The following SOX5 variants were observed in gnomAD, a reference collection of about 807,000 sequenced individuals.
SOX5 encodes the protein transcription factor SOX-5.
SOX5 carries 9 observed loss-of-function variants against 92.0 expected under a neutral mutation model. The observed-to-expected ratio is 0.10, with a 90% CI of 0.06 to 0.17. The LOEUF (loss-of-function observed/expected upper bound fraction) is 0.17. Ranked by LOEUF, SOX5 falls within the 10% of genes least tolerant of loss-of-function variation. The pLI, the probability that SOX5 is intolerant of heterozygous loss-of-function variation, is 1.00. For missense variants in SOX5, 642 were observed against 944.5 expected (o/e 0.68, Z 4.20); for synonymous variants, 344 against 336.3 (o/e 1.02, Z -0.25).
intron 1 of SOX5, among the ~76,000 whole-genome samples, chr12:24,509,386 T>C (rs1013689608): frequency 1.4e-4 from 22 of 152,130 alleles, no homozygotes; most frequent in African/African-American, 5.3e-4. Context: ...AGTCTCCCAG[T>C]TGCTTTAGGG....
At chr12:24,327,990 C>A (rs1950906304) in intron 2 of SOX5, among the ~76,000 whole-genome samples, 1 of 152,132 alleles carries the variant, frequency 6.6e-6, no homozygotes, top group Admixed American at 6.5e-5. Context: ...CCGCACCCAG[C>A]CGCAATAGAG....
At chr12:23,758,205 A>G (rs1190352491) in intron 3 of SOX5, among the ~76,000 whole-genome samples, 1 of 151,898 alleles carries the variant, frequency 6.6e-6, no homozygotes, top group Admixed American at 6.6e-5. Context: ...TATGTGCCAG[A>G]AACTATGCTA....
chr12:23,570,922 AAAAAAAAAATATATATATATATATAT>A lies in SOX5; in HGVS notation c.1342+4713_1342+4738del, dbSNP rs1178506741. Reference sequence around the variant, plus strand: ...CAAGACTCCAACTCAAAAAAAAAAAAAAAAAAAAATATATATATATATATATATATATATATATATATATATATATA... The same window carrying A: ...CAAGACTCCAACTCAAAAAAAAAAAAATATATATATATATATATATATATA... On this transcript the variant is annotated intron_variant, in intron 10 of 14. Coordinates refer to ENST00000451604, the MANE Select transcript of SOX5 (RefSeq NM_006940.6). 6.3e-4 allele frequency among the ~76,000 whole-genome samples: 27 copies of A among 43,150 alleles called. 3 individuals are homozygous for A. The highest frequency in any genetic ancestry group is 2.1e-3 in the African/African-American group (25 of 11,774). 28.3% of individuals were successfully genotyped at this position (43,150 alleles called of 152,430 possible). A position where few individuals can be genotyped will look rare whatever the true frequency, so the allele number is the denominator to read the frequency against.
At chr12:24,342,845 C>T (rs11047381) in intron 2 of SOX5, among the ~76,000 whole-genome samples, 40,550 of 152,090 alleles carry the variant, frequency 0.27, 6,854 homozygotes, top group Non-Finnish European at 0.39. Flanking sequence ...GAATAAAGGG[C>T]GAAATGGTAA....
intron 9 of SOX5, among the ~76,000 whole-genome samples, chr12:23,591,224 A>C (rs1175058288): frequency 6.6e-6 from 1 of 152,052 alleles, no homozygotes; most frequent in African/African-American, 2.4e-5. Flanking sequence ...TTGTATTAGT[A>C]AGCATAATTT....
intron 3 of SOX5, among the ~76,000 whole-genome samples, chr12:24,229,458 A>G (rs1962892726): frequency 2.0e-5 from 3 of 152,218 alleles, no homozygotes; most frequent in African/African-American, 7.2e-5. Flanking sequence ...AAAGGCCATC[A>G]AAACCCAGGC....
chr12:23,833,537 G>C (rs1012029289), intron 3 of SOX5, among the ~76,000 whole-genome samples: 1 of 151,894 alleles, frequency 6.6e-6, no homozygotes, highest in African/African-American at 2.4e-5. Flanking sequence ...CATAGGTAAC[G>C]TTACCATATC....
intron 4 of SOX5, among the ~76,000 whole-genome samples, chr12:24,151,483 T>G (rs1225179148): frequency 1.3e-5 from 2 of 152,168 alleles, no homozygotes; most frequent in Non-Finnish European, 2.9e-5. Context: ...CTATTTACAA[T>G]TGAAGAAAAG....
intron 4 of SOX5, among the ~76,000 whole-genome samples, chr12:23,976,811 G>A (rs1335786433): frequency 6.6e-6 from 1 of 151,344 alleles, no homozygotes; most frequent in Non-Finnish European, 1.5e-5. Flanking sequence ...TTTTTCTGTT[G>A]TTGTTGTTTT....
intron 8 of SOX5, among the ~76,000 whole-genome samples, chr12:23,631,686 T>C (rs2078559138): frequency 6.6e-6 from 1 of 152,074 alleles, no homozygotes; most frequent in African/African-American, 2.4e-5. Context: ...TTAGTATAGG[T>C]AATAACAAAA....
chr12:24,228,657 T>C (rs1299153059), intron 3 of SOX5, among the ~76,000 whole-genome samples: 1 of 151,560 alleles, frequency 6.6e-6, no homozygotes, highest in Non-Finnish European at 1.5e-5. Flanking sequence ...TCTGTGTGTG[T>C]GTGCGTGTGT....
At chr12:23,640,921 G>A (rs766466997) in intron 7 of SOX5, 24 bp from the exon 8 acceptor site, 26 of 1,492,370 alleles carry the variant, frequency 1.7e-5, no homozygotes, top group Non-Finnish European at 2.1e-5. Flanking sequence ...TAATAGAGGC[G>A]TCAGCACCTT....
chr12:23,910,498 T>C (rs1298606435), intron 1 of SOX5, among the ~76,000 whole-genome samples: 2 of 152,164 alleles, frequency 1.3e-5, no homozygotes, highest in Admixed American at 1.3e-4. Context: ...TGACATTATT[T>C]ATAGAGGACT....
At chr12:24,265,378 C>CA (rs1415039280) in intron 3 of SOX5, among the ~76,000 whole-genome samples, 1 of 151,920 alleles carries the variant, frequency 6.6e-6, no homozygotes, top group Non-Finnish European at 1.5e-5. Flanking sequence ...TCCGTCTCTA[C>CA]AAAAAATACA....
At chr12:24,288,120 G>A (rs1946130164) in intron 2 of SOX5, among the ~76,000 whole-genome samples, 1 of 152,172 alleles carries the variant, frequency 6.6e-6, no homozygotes, top group South Asian at 2.1e-4. Context: ...ACAACTGAGG[G>A]TGATTATGTC....
At chr12:24,063,163 T>C (rs1304273042) in intron 4 of SOX5, among the ~76,000 whole-genome samples, 5 of 152,218 alleles carry the variant, frequency 3.3e-5, no homozygotes, top group Non-Finnish European at 7.3e-5. Context: ...ATATTTCCAC[T>C]GGTAACTGTC....
At chr12:24,469,206 G>A (rs576850370) in intron 1 of SOX5, among the ~76,000 whole-genome samples, 2 of 152,170 alleles carry the variant, frequency 1.3e-5, no homozygotes, top group South Asian at 4.2e-4. Context: ...TTACAGTAGG[G>A]TCCAGGTTCC....
intron 4 of SOX5, among the ~76,000 whole-genome samples, chr12:24,071,957 C>T (rs1311924134): frequency 6.6e-6 from 1 of 152,104 alleles, no homozygotes; most frequent in Non-Finnish European, 1.5e-5. Context: ...ATCCCTTTTC[C>T]TCATTTTAAA....
chr12:24,415,716 ATC>A (rs1219441864), intron 1 of SOX5, among the ~76,000 whole-genome samples: 2 of 152,208 alleles, frequency 1.3e-5, no homozygotes, highest in African/African-American at 4.8e-5. Flanking sequence ...GTCTCAATCC[ATC>A]TCTGAGTATG....
Sources: gnomAD v4.1 joint callset for allele counts (sites outside exome capture counted in the v4.1 genomes callset) on GRCh38, gnomAD v4.1.1 for gene constraint, MANE v1.5 for transcripts, NCBI Gene and HGNC (gene_info 2026-07-23, HGNC 2026-07-21) for gene names.